The following THOC5 variants were observed in gnomAD, a reference collection of about 807,000 sequenced individuals.
THOC5 encodes Fms-interacting protein.
In THOC5, 43 loss-of-function variants were observed where a neutral mutation model predicts 92.9. The ratio of observed to expected loss-of-function variants is 0.46; its 90% CI spans 0.36 to 0.60. The LOEUF (loss-of-function observed/expected upper bound fraction) is 0.60. Ranked by LOEUF, THOC5 falls within the 20% of genes least tolerant of loss-of-function variation. The pLI, the probability that THOC5 is intolerant of heterozygous loss-of-function variation, is 0.00. For missense variants in THOC5, 659 were observed against 849.4 expected (o/e 0.78, Z 2.79); for synonymous variants, 296 against 320.1 (o/e 0.92, Z 0.80).
chr22:29,539,308 G>C (rs770782822), intron 6 of THOC5, 22 bp downstream of exon 6: 15 of 1,611,500 alleles, frequency 9.3e-6, no homozygotes, highest in Non-Finnish European at 1.3e-5. Flanking sequence ...TGGTTAAAAG[G>C]TCAGGAAGGA....
rs192102602 is a variant in THOC5, at chr22:29,506,331, C to G, written c.*2126G>C. ...GTTGTTACCTATCTTCCCAAGACTT[C>G]TCTTAATCAAATAATTATATTTTGA... is the stretch of plus-strand genomic sequence containing the variant. On this transcript the variant is annotated 3_prime_UTR_variant, in exon 20 of 20. Coordinates refer to ENST00000490103, the MANE Select transcript of THOC5 (RefSeq NM_003678.5). 3.9e-5 allele frequency: 6 copies of G among 152,262 alleles called. No individual in the cohort carries two copies. The highest frequency in any genetic ancestry group is 1.4e-4 in the African/African-American group (6 of 41,562). 9.4% of individuals were successfully genotyped at this position (152,262 alleles called of 1,614,324 possible). A position where few individuals can be genotyped will look rare whatever the true frequency, so the allele number is the denominator to read the frequency against.
intron 11 of THOC5, 140 bp from the exon 12 acceptor site, chr22:29,526,086 G>A: frequency 1.6e-6 from 1 of 610,328 alleles, no homozygotes; most frequent in South Asian, 1.9e-5. Flanking sequence ...CTAGGTGACG[G>A]GATCATTCAT....
At position 29,543,471 on chromosome 22, in the gene THOC5, T is replaced by C. The variant is rs1342897913; in HGVS notation, c.312A>G (p.Leu104=). The C allele has an allele frequency of 6.2e-7, 1 of 1,613,944 alleles. No individual in the cohort carries two copies. The highest frequency in any genetic ancestry group is 8.5e-7 in the Non-Finnish European group (1 of 1,179,964). ...HFMTLKKLNR[L]AHIRLKKGRD... is the part of the protein sequence containing the mutation. Reference sequence around the variant, plus strand: ...TTCCTTTCTTCAACCTGATGTGGGCTAATCGGTTAAGCTTCTTTAGAGTCA... The same window carrying C: ...TTCCTTTCTTCAACCTGATGTGGGCCAATCGGTTAAGCTTCTTTAGAGTCA... The change falls in exon 4 of 20, where the codon TTA becomes TTG. Residue 104 remains leucine (L), a synonymous_variant. Coordinates refer to ENST00000490103, the MANE Select transcript of THOC5 (RefSeq NM_003678.5).
chr22:29,524,766 G>C (rs761368776), intron 12 of THOC5, among the ~76,000 whole-genome samples: 26 of 152,200 alleles, frequency 1.7e-4, no homozygotes, highest in Non-Finnish European at 3.5e-4. Flanking sequence ...TCTAAGGGCA[G>C]TCTAAAACCC....
Position 29,549,163 on chromosome 22 carries a change from T to G in THOC5, c.-11-5A>C, listed in dbSNP as rs373355040. 2 of 1,613,348 alleles carry G rather than the reference T, an allele frequency of 1.2e-6. No individual in the cohort carries two copies. The highest frequency in any genetic ancestry group is 1.3e-5 in the African/African-American group (1 of 74,906). On this transcript the variant is annotated splice_region_variant and splice_polypyrimidine_tract_variant and intron_variant, in intron 1 of 19. Coordinates refer to ENST00000490103, the MANE Select transcript of THOC5 (RefSeq NM_003678.5). ...CTGATGACATGGTTGTTCCTCCTGT[T>G]AAGAGGAGAAAGTTTTTGAGATTCT... is the stretch of plus-strand genomic sequence containing the variant.
intron 1 of THOC5, among the ~76,000 whole-genome samples, chr22:29,553,094 AAC>A (rs555126788): frequency 1.1e-3 from 166 of 152,286 alleles, no homozygotes; most frequent in African/African-American, 3.6e-3. Context: ...CAGGGACACA[AAC>A]ACTGCGGAAG....
At position 29,544,454 on chromosome 22, in the gene THOC5, C is replaced by A. The variant is rs777302558; in HGVS notation, c.240+6G>T. The stretch of plus-strand genomic sequence containing the variant: ...AGGTTCACGGCCACCTGGTCCCACT[C>A]CTTACCACATCCTTGCCACCCCTGC... On this transcript the variant is annotated splice_donor_region_variant and intron_variant, in intron 3 of 19. Coordinates refer to ENST00000490103, the MANE Select transcript of THOC5 (RefSeq NM_003678.5). 8 of 1,612,412 alleles carry A rather than the reference C, an allele frequency of 5.0e-6. No individual in the cohort carries two copies. Among genetic ancestry groups the A allele is most frequent in the Non-Finnish European group, 6.8e-6 (8 of 1,179,480 alleles).
At chr22:29,547,354 A>G (rs913670684) in intron 2 of THOC5, among the ~76,000 whole-genome samples, 2 of 151,578 alleles carry the variant, frequency 1.3e-5, no homozygotes, top group Non-Finnish European at 2.9e-5. Flanking sequence ...TATTGTTCAT[A>G]TCATTATCAA....
chr22:29,508,603 AAAG>A (rs2063164510), intron 19 of THOC5, 83 bp from the exon 20 acceptor site: 2 of 1,249,734 alleles, frequency 1.6e-6, no homozygotes, highest in African/African-American at 3.0e-5. Context: ...CACAAGGGAA[AAAG>A]AAGAGGCAGA....
At position 29,511,103 on chromosome 22, in the gene THOC5, C is replaced by T; in HGVS notation, c.1988+3G>A. ...GTCACCAGAGCCCCAACCCTCTCCT[C>T]ACCTGAAGAGCCGCAGACACATCTT... On this transcript the variant is annotated splice_donor_region_variant and intron_variant, in intron 19 of 19. Coordinates refer to ENST00000490103, the MANE Select transcript of THOC5 (RefSeq NM_003678.5). 6.2e-7 allele frequency: 1 copy of T among 1,613,288 alleles called. No homozygotes were observed. Among genetic ancestry groups the T allele is most frequent in the Non-Finnish European group, 8.5e-7 (1 of 1,179,386 alleles).
At chr22:29,536,351 A>C in intron 7 of THOC5, 1 of 341,866 alleles carries the variant, frequency 2.9e-6, no homozygotes, top group Non-Finnish European at 5.3e-6. Context: ...TGCAGGGGGT[A>C]AACTAAATTT....
chr22:29,520,231 G>T, intron 13 of THOC5, 127 bp from the exon 14 acceptor site: 1 of 704,374 alleles, frequency 1.4e-6, no homozygotes, highest in Non-Finnish European at 2.3e-6. Flanking sequence ...CATGTTCACA[G>T]CCAGGCTGCT....
chr22:29,545,670 C>T (rs553491037), intron 2 of THOC5, among the ~76,000 whole-genome samples: 1 of 152,200 alleles, frequency 6.6e-6, no homozygotes, highest in Non-Finnish European at 1.5e-5. Flanking sequence ...GTCTCACATC[C>T]AGGTCAAGCT....
intron 12 of THOC5, among the ~76,000 whole-genome samples, chr22:29,522,592 A>T (rs1260317689): frequency 6.6e-6 from 1 of 152,178 alleles, no homozygotes; most frequent in Non-Finnish European, 1.5e-5. Flanking sequence ...CTTGGTAAAA[A>T]TGATGAACAT....
chr22:29,513,565 G>C (rs1258955592), intron 17 of THOC5, among the ~76,000 whole-genome samples: 1 of 152,042 alleles, frequency 6.6e-6, no homozygotes, highest in Non-Finnish European at 1.5e-5. Context: ...GGACATGCTT[G>C]TAATCCCAGC....
At chr22:29,541,185 TA>T (rs917498258) in intron 5 of THOC5, among the ~76,000 whole-genome samples, 9 of 141,572 alleles carry the variant, frequency 6.4e-5, no homozygotes, top group African/African-American at 1.0e-4. Context: ...ACTTTATCTT[TA>T]AAAAAAAAAG....
At chr22:29,550,089 C>G (rs1286152581) in intron 1 of THOC5, among the ~76,000 whole-genome samples, 1 of 152,138 alleles carries the variant, frequency 6.6e-6, no homozygotes. Flanking sequence ...CATTTAAAGA[C>G]ACTCCCAATA....
intron 18 of THOC5, 21 bp downstream of exon 18, chr22:29,512,000 T>C: frequency 6.2e-7 from 1 of 1,608,580 alleles, no homozygotes; most frequent in South Asian, 1.1e-5. Flanking sequence ...GCTCCTCCTG[T>C]CATCCCCAGC....
intron 18 of THOC5, chr22:29,511,542 T>C: frequency 1.9e-6 from 1 of 518,918 alleles, no homozygotes; most frequent in African/African-American, 1.9e-5. Context: ...AAAACAGAGG[T>C]GTGCAGGGAA....
Sources: allele counts gnomAD v4.1 joint callset (sites outside exome capture counted in the v4.1 genomes callset), GRCh38; gene constraint gnomAD v4.1.1; transcripts MANE v1.5; gene names NCBI Gene and HGNC (gene_info 2026-07-23, HGNC 2026-07-21).